The following PRKCE variants were observed in gnomAD, a reference collection of about 807,000 sequenced individuals.
PRKCE encodes the protein protein kinase C epsilon type.
A neutral mutation model predicts 85.4 loss-of-function variants in PRKCE; 16 were observed. The observed-to-expected ratio is 0.19, with a 90% CI of 0.13 to 0.28. PRKCE has a LOEUF of 0.28. Among genes scored for constraint, PRKCE ranks in the 10% least tolerant of loss-of-function variants. The pLI is 1.00. For synonymous variants in PRKCE, 388 were observed against 371.5 expected, an observed-to-expected ratio of 1.04 and a Z score of -0.51; for missense variants, 573 against 975.2, an observed-to-expected ratio of 0.59 and a Z score of 5.49.
intron 11 of PRKCE, among the ~76,000 whole-genome samples, chr2:46,132,762 A>C (rs1255930916): frequency 6.6e-6 from 1 of 152,254 alleles, no homozygotes; most frequent in Non-Finnish European, 1.5e-5. Flanking sequence ...TCTTAAAGCA[A>C]ATACCTTCCA....
At chr2:45,929,640 G>A (rs908557507) in intron 2 of PRKCE, among the ~76,000 whole-genome samples, 29 of 152,134 alleles carry the variant, frequency 1.9e-4, no homozygotes, top group African/African-American at 6.3e-4. Context: ...GGTTCTTATT[G>A]CCCTGGAAAT....
intron 1 of PRKCE, among the ~76,000 whole-genome samples, chr2:45,732,142 A>G (rs543840069): frequency 2.2e-4 from 34 of 152,184 alleles, no homozygotes; most frequent in Non-Finnish European, 4.7e-4. Context: ...GAAATTTATG[A>G]GAGCTTTTTT....
chr2:46,039,909 G>A (rs1002795446), intron 10 of PRKCE, among the ~76,000 whole-genome samples: 3 of 152,182 alleles, frequency 2.0e-5, no homozygotes, highest in Non-Finnish European at 2.9e-5. Flanking sequence ...CACCATCCTA[G>A]ATTTATTTCT....
chr2:45,693,541 C>G (rs560504289), intron 1 of PRKCE, among the ~76,000 whole-genome samples: 8 of 152,210 alleles, frequency 5.3e-5, no homozygotes, highest in African/African-American at 1.9e-4. Context: ...GGAGGAAGGT[C>G]GAGAGGAGAT....
At chr2:46,024,441 C>A (rs1434696234) in intron 10 of PRKCE, among the ~76,000 whole-genome samples, 1 of 152,048 alleles carries the variant, frequency 6.6e-6, no homozygotes, top group Non-Finnish European at 1.5e-5. Flanking sequence ...TTCTCTCAGT[C>A]CGCCTCCTTA....
At chr2:45,705,614 C>T (rs779962425) in intron 1 of PRKCE, among the ~76,000 whole-genome samples, 10 of 152,166 alleles carry the variant, frequency 6.6e-5, no homozygotes, top group Admixed American at 3.9e-4. Flanking sequence ...TAAACCTCCA[C>T]GCTTTGGCTT....
In PRKCE at chr2:45,698,577, A is replaced by AT. The variant is rs574590924; in HGVS notation, c.348+46129_348+46130insT. Among the ~76,000 whole-genome samples, 51 of 152,250 alleles carry AT rather than the reference A, an allele frequency of 3.3e-4. No homozygotes were observed. In the South Asian group the frequency reaches 4.1e-3, roughly 12 times the overall value. On this transcript the variant is annotated intron_variant, in intron 1 of 14. Transcript: ENST00000306156. ...AAACAACAGTGAGCACAGAAAAAAA[A>AT]ATATATGAAGGAAGAGAGAAAGGAA... is the stretch of plus-strand genomic sequence containing the variant.
chr2:46,177,863 G>T (rs1056886035), intron 14 of PRKCE, among the ~76,000 whole-genome samples: 11 of 152,176 alleles, frequency 7.2e-5, no homozygotes, highest in African/African-American at 2.4e-4. Flanking sequence ...TGTAATTTAA[G>T]GGTTCACGCC....
intron 11 of PRKCE, among the ~76,000 whole-genome samples, chr2:46,116,110 C>T (rs955710586): frequency 2.0e-5 from 3 of 152,248 alleles, no homozygotes; most frequent in Non-Finnish European, 2.9e-5. Flanking sequence ...CGAAATGTTT[C>T]GTTTTTATTA....
At chr2:45,850,581 T>A (rs1370912917) in intron 2 of PRKCE, among the ~76,000 whole-genome samples, 1 of 152,240 alleles carries the variant, frequency 6.6e-6, no homozygotes, top group African/African-American at 2.4e-5. Flanking sequence ...ACCTATTACT[T>A]TATTCTTTTA....
intron 12 of PRKCE, among the ~76,000 whole-genome samples, chr2:46,146,602 C>A (rs1056957801): frequency 2.6e-5 from 4 of 152,070 alleles, no homozygotes. Context: ...GGAGGGTATT[C>A]CTGAAAACAA....
At chr2:45,748,984 G>T (rs1405743402) in intron 1 of PRKCE, among the ~76,000 whole-genome samples, 1 of 151,778 alleles carries the variant, frequency 6.6e-6, no homozygotes, top group Admixed American at 6.6e-5. Flanking sequence ...CTGCCTCTTG[G>T]GTTCAAGCAA....
At chr2:45,662,990 G>C (rs1303030707) in intron 1 of PRKCE, among the ~76,000 whole-genome samples, 1 of 152,140 alleles carries the variant, frequency 6.6e-6, no homozygotes, top group Non-Finnish European at 1.5e-5. Context: ...TCATCAATCA[G>C]CCATTAAAGA....
chr2:46,036,988 C>T (rs1455731884), intron 10 of PRKCE, among the ~76,000 whole-genome samples: 1 of 152,226 alleles, frequency 6.6e-6, no homozygotes, highest in East Asian at 1.9e-4. Flanking sequence ...GATGCTGACT[C>T]TCAGAAGCTC....
At chr2:46,101,968 C>T (rs1177988562) in intron 11 of PRKCE, among the ~76,000 whole-genome samples, 1 of 151,380 alleles carries the variant, frequency 6.6e-6, no homozygotes, top group African/African-American at 2.4e-5. Flanking sequence ...CCATGTTGAA[C>T]AACCAGCTCA....
At chr2:46,173,840 G>A (rs1313624535) in intron 14 of PRKCE, among the ~76,000 whole-genome samples, 1 of 152,184 alleles carries the variant, frequency 6.6e-6, no homozygotes, top group Non-Finnish European at 1.5e-5. Context: ...CTGAGTGTAG[G>A]GGAGGAGGTT....
At chr2:46,065,130 C>T (rs934767884) in intron 10 of PRKCE, among the ~76,000 whole-genome samples, 2 of 152,096 alleles carry the variant, frequency 1.3e-5, no homozygotes, top group African/African-American at 4.8e-5. Context: ...TTTCTGCAAA[C>T]AGGTAAAGGA....
intron 1 of PRKCE, among the ~76,000 whole-genome samples, chr2:45,671,643 G>C (rs547512234): frequency 4.6e-5 from 7 of 152,194 alleles, no homozygotes; most frequent in South Asian, 4.2e-4. Flanking sequence ...TAGGGGAAAG[G>C]TTCGTAGACC....
intron 2 of PRKCE, among the ~76,000 whole-genome samples, chr2:45,939,560 A>G (rs1573955506): frequency 8.3e-6 from 1 of 121,024 alleles, no homozygotes; most frequent in East Asian, 2.0e-4. Flanking sequence ...TAGTTAATGC[A>G]CTTTTTTTTT....
Sources: allele counts gnomAD v4.1 joint callset (sites outside exome capture counted in the v4.1 genomes callset), GRCh38; gene constraint gnomAD v4.1.1; transcripts MANE v1.5; gene names NCBI Gene and HGNC (gene_info 2026-07-23, HGNC 2026-07-21).